Variants in NGEF observed in about 807,000 individuals in gnomAD.
NGEF encodes the protein ephexin-1.
A neutral mutation model predicts 80.9 loss-of-function variants in NGEF; 31 were observed. The observed-to-expected ratio is 0.38, with a 90% CI of 0.29 to 0.52. The LOEUF is 0.52. Among genes scored for constraint, NGEF ranks in the 20% least tolerant of loss-of-function variants. The pLI is 0.84. For synonymous variants in NGEF, 371 were observed against 370.2 expected, an observed-to-expected ratio of 1.00 and a Z score of -0.03; for missense variants, 709 against 926.2, an observed-to-expected ratio of 0.77 and a Z score of 3.04.
intron 1 of NGEF, among the ~76,000 whole-genome samples, chr2:232,982,626 G>A (rs1435750333): frequency 1.3e-5 from 2 of 152,180 alleles, no homozygotes; most frequent in East Asian, 3.9e-4. Context: ...CGATTCTCCT[G>A]CCTCTGCCAC....
chr2:232,924,082 CAAA>C (rs1559210487), intron 4 of NGEF, among the ~76,000 whole-genome samples: 1 of 151,640 alleles, frequency 6.6e-6, no homozygotes, highest in Non-Finnish European at 1.5e-5. Context: ...ACTAAAAATA[CAAA>C]AATTAGCTGG....
At chr2:232,900,614 A>ACT (rs1559200178) in intron 5 of NGEF, among the ~76,000 whole-genome samples, 2 of 13,250 alleles carry the variant, frequency 1.5e-4, no homozygotes, top group African/African-American at 6.1e-4. Context: ...TCACTCACAT[A>ACT]CACACACGCT....
At position 232,927,196 on chromosome 2, in the gene NGEF, AG is replaced by A; in HGVS notation, c.384-11del. On this transcript the variant is annotated splice_polypyrimidine_tract_variant and intron_variant, in intron 3 of 14. Transcript: ENST00000264051. Reference sequence around the variant, plus strand: ...GGTGGAGGACGACTCACTGCCAGAGAGGGAGGAGGACAGGGGCTGGTTATTT... The same window carrying A: ...GGTGGAGGACGACTCACTGCCAGAGAGGAGGAGGACAGGGGCTGGTTATTT... The A allele has an allele frequency of 3.2e-6, 5 of 1,575,530 alleles. No individual in the cohort carries two copies. The highest frequency in any genetic ancestry group is 2.6e-6 in the Non-Finnish European group (3 of 1,163,944).
At chr2:232,995,605 T>TACAGTATGTATACTGTATATATAC (rs1694820015) in intron 1 of NGEF, among the ~76,000 whole-genome samples, 1 of 55,128 alleles carries the variant, frequency 1.8e-5, no homozygotes, top group Non-Finnish European at 4.9e-5. Flanking sequence ...TGTATATATA[T>TACAGTATGTATACTGTATATATAC]ACAGTATGTA....
intron 3 of NGEF, among the ~76,000 whole-genome samples, chr2:232,953,537 A>C (rs1020393306): frequency 1.3e-5 from 2 of 151,030 alleles, no homozygotes; most frequent in Non-Finnish European, 2.9e-5. Flanking sequence ...TTTAACATAC[A>C]TTGTTGATGA....
chr2:232,910,076 G>A (rs923036071), intron 5 of NGEF, among the ~76,000 whole-genome samples: 1 of 152,120 alleles, frequency 6.6e-6, no homozygotes, highest in African/African-American at 2.4e-5. Context: ...TGGTCTCCAG[G>A]GGACATTCAG....
chr2:232,910,708 G>A (rs1692675888), intron 5 of NGEF, among the ~76,000 whole-genome samples: 1 of 152,242 alleles, frequency 6.6e-6, no homozygotes, highest in African/African-American at 2.4e-5. Context: ...AATGTTTGCT[G>A]TGTGTGCACA....
intron 4 of NGEF, among the ~76,000 whole-genome samples, chr2:232,925,348 G>T (rs1396340138): frequency 1.3e-5 from 2 of 152,216 alleles, no homozygotes; most frequent in Non-Finnish European, 2.9e-5. Flanking sequence ...GGGCAGCCCT[G>T]GGCTGTCAGT....
chr2:232,894,902 C>G lies in NGEF; in HGVS notation c.843G>C (p.Leu281=), dbSNP rs1473173412. The G allele has an allele frequency of 6.3e-7, 1 of 1,590,716 alleles. No homozygotes were observed. Among genetic ancestry groups the G allele is most frequent in the African/African-American group, 1.3e-5 (1 of 74,614 alleles). The part of the protein sequence containing the change: ...EIKLQEAMFE[L]VTSEASYYKS... ...TGTAGTAGGACGCCTCGGAAGTGACCAGCTCGAACATGGCCTGTAGCAGGG... is the reference window on the plus strand; with the variant it reads ...TGTAGTAGGACGCCTCGGAAGTGACGAGCTCGAACATGGCCTGTAGCAGGG... The change falls in exon 6 of 15, where the codon CTG becomes CTC. Residue 281 remains leucine (L), a synonymous_variant. Transcript: ENST00000264051.
chr2:232,995,230 C>T lies in NGEF; in HGVS notation c.-75+17838G>A, dbSNP rs1428061049. 2.4e-4 allele frequency among the ~76,000 whole-genome samples: 6 copies of T among 24,734 alleles called. 2 individuals carry two copies. The highest frequency in any genetic ancestry group is 1.5e-3 in the African/African-American group (6 of 4,084). The allele number at this position is 24,734 out of a possible 152,430, so 16.2% of individuals were successfully genotyped here. On this transcript the variant is annotated intron_variant, in intron 1 of 14. Transcript: ENST00000264051. Reference sequence around the variant, plus strand: ...ACTGTATATGTGTACAGTATGTATGCTGTGTACAGTATGTATACTGTATAT... The same window carrying T: ...ACTGTATATGTGTACAGTATGTATGTTGTGTACAGTATGTATACTGTATAT...
chr2:232,960,606 C>CGGT (rs1410629499), intron 3 of NGEF, among the ~76,000 whole-genome samples: 1 of 152,192 alleles, frequency 6.6e-6, no homozygotes, highest in African/African-American at 2.4e-5. Context: ...AGGCCTGGAG[C>CGGT]GGTGGCTCAT....
chr2:232,912,722 T>C (rs186664477), intron 5 of NGEF, among the ~76,000 whole-genome samples: 1 of 152,290 alleles, frequency 6.6e-6, no homozygotes, highest in African/African-American at 2.4e-5. Context: ...TTTATTTCAT[T>C]TGGGGTGAGT....
intron 1 of NGEF, among the ~76,000 whole-genome samples, chr2:232,986,517 C>T (rs1694534944): frequency 6.6e-6 from 1 of 152,168 alleles, no homozygotes; most frequent in Non-Finnish European, 1.5e-5. Context: ...GAATATCATT[C>T]AGCCATAAAA....
chr2:232,941,078 G>A (rs1004295564), intron 3 of NGEF, among the ~76,000 whole-genome samples: 1 of 152,128 alleles, frequency 6.6e-6, no homozygotes, highest in Non-Finnish European at 1.5e-5. Flanking sequence ...AATTTGGTGG[G>A]TGGGGAAAAG....
At chr2:232,960,016 G>A (rs1559225019) in intron 3 of NGEF, among the ~76,000 whole-genome samples, 1 of 152,208 alleles carries the variant, frequency 6.6e-6, no homozygotes, top group Non-Finnish European at 1.5e-5. Flanking sequence ...TGTTGGCCTT[G>A]GAGGTGACTC....
At chr2:232,980,862 A>G (rs1357321033) in intron 1 of NGEF, among the ~76,000 whole-genome samples, 1 of 152,082 alleles carries the variant, frequency 6.6e-6, no homozygotes, top group Non-Finnish European at 1.5e-5. Context: ...CACCGCCACC[A>G]GGGCATCCTC....
At chr2:232,926,895 G>C (rs1693081811) in intron 4 of NGEF, 149 bp downstream of exon 4, 2 of 1,007,796 alleles carry the variant, frequency 2.0e-6, no homozygotes, top group Admixed American at 2.4e-5. Context: ...GAACCATTTA[G>C]AGCCAAACAT....
chr2:232,994,941 CACAT>C (rs1439097405), intron 1 of NGEF, among the ~76,000 whole-genome samples: 6 of 80,414 alleles, frequency 7.5e-5, no homozygotes, highest in Non-Finnish European at 1.4e-4. Context: ...GATATATACA[CACAT>C]ATAATACATA....
At chr2:232,990,959 G>A (rs749173872) in intron 1 of NGEF, among the ~76,000 whole-genome samples, 5 of 151,980 alleles carry the variant, frequency 3.3e-5, no homozygotes, top group Admixed American at 6.6e-5. Flanking sequence ...TATACCATAC[G>A]AATGAAACAA....
Sources: allele counts gnomAD v4.1 joint callset (sites outside exome capture counted in the v4.1 genomes callset), GRCh38; gene constraint gnomAD v4.1.1; transcripts MANE v1.5; gene names NCBI Gene and HGNC (gene_info 2026-07-23, HGNC 2026-07-21).